The following ANKS1B variants were observed in gnomAD, a reference collection of about 807,000 sequenced individuals.
ANKS1B encodes ankyrin repeat and sterile alpha motif domain containing 1B, also known as ankyrin repeat and sterile alpha motif domain-containing protein 1B.
Under a neutral mutation model 148.3 loss-of-function variants are expected in ANKS1B, and 36 were observed. The observed-to-expected ratio is 0.24, with a 90% CI of 0.19 to 0.32. ANKS1B has a LOEUF of 0.32. ANKS1B is among the 10% of genes least tolerant of loss of function. ANKS1B has a pLI of 1.00. For missense variants in ANKS1B, 1,157 were observed against 1,542.6 expected (o/e 0.75, Z 4.19); for synonymous variants, 542 against 560.8 (o/e 0.97, Z 0.47).
rs12300419 is a variant in ANKS1B at position 99,685,714 on chromosome 12, C to T, written c.1129-30504G>A. Among the ~76,000 whole-genome samples the T allele has an allele frequency of 9.7e-3, 1,472 of 151,356 alleles. 28 individuals carry two copies. The highest frequency in any genetic ancestry group is 0.033 in the African/African-American group (1,375 of 41,228). ...TCAATCAACAAGTGGATAAAGAAAA[C>T]GTGGGGTGTGTTTATGTGTGTGTGT... On this transcript the variant is annotated intron_variant, in intron 8 of 26. Transcript: ENST00000683438.
chr12:99,170,592 C>T (rs912077208), intron 14 of ANKS1B, among the ~76,000 whole-genome samples: 15 of 152,150 alleles, frequency 9.9e-5, no homozygotes, highest in Admixed American at 9.8e-4. Flanking sequence ...TTCATTCAGT[C>T]CCTCGACCAA....
intron 12 of ANKS1B, among the ~76,000 whole-genome samples, chr12:99,297,873 T>C (rs931982322): frequency 6.6e-6 from 1 of 152,172 alleles, no homozygotes; most frequent in African/African-American, 2.4e-5. Flanking sequence ...AATCTCCAGA[T>C]TTTTAACCAA....
intron 1 of ANKS1B, among the ~76,000 whole-genome samples, chr12:99,917,412 G>A (rs1383341408): frequency 6.6e-6 from 1 of 152,148 alleles, no homozygotes; most frequent in African/African-American, 2.4e-5. Context: ...GCTATGCATG[G>A]GCATAAAAGC....
chr12:99,510,459 G>T (rs745952896), intron 9 of ANKS1B, among the ~76,000 whole-genome samples: 2 of 151,958 alleles, frequency 1.3e-5, no homozygotes, highest in Non-Finnish European at 2.9e-5. Flanking sequence ...ACTTTGATAG[G>T]TTTGACTTTG....
At chr12:99,885,568 G>A (rs890822261) in intron 1 of ANKS1B, among the ~76,000 whole-genome samples, 3 of 152,110 alleles carry the variant, frequency 2.0e-5, no homozygotes, top group Non-Finnish European at 2.9e-5. Context: ...CTCCCAAAGT[G>A]CTGGGATTAC....
At chr12:99,164,003 C>T (rs1580641) in intron 14 of ANKS1B, among the ~76,000 whole-genome samples, 43,829 of 151,988 alleles carry the variant, frequency 0.29, 7,728 homozygotes, top group East Asian at 0.5. Context: ...TATTTCCTTG[C>T]GGTTTTAATT....
intron 12 of ANKS1B, among the ~76,000 whole-genome samples, chr12:99,346,557 G>A (rs546885897): frequency 1.3e-5 from 2 of 152,034 alleles, no homozygotes; most frequent in African/African-American, 4.8e-5. Context: ...AGGCATCAGC[G>A]AGAATGTCAG....
At chr12:99,640,593 A>G (rs1769812448) in intron 9 of ANKS1B, among the ~76,000 whole-genome samples, 1 of 152,132 alleles carries the variant, frequency 6.6e-6, no homozygotes, top group South Asian at 2.1e-4. Context: ...AGATGCCAGC[A>G]CCCTGATATT....
intron 1 of ANKS1B, among the ~76,000 whole-genome samples, chr12:99,939,825 T>A (rs2094875073): frequency 6.6e-6 from 1 of 152,190 alleles, no homozygotes; most frequent in Non-Finnish European, 1.5e-5. Context: ...AATTTTCTCC[T>A]TTGTAAAAGG....
chr12:99,638,846 C>T (rs111588860), intron 9 of ANKS1B, among the ~76,000 whole-genome samples: 1,753 of 152,276 alleles, frequency 0.012, 36 homozygotes, highest in African/African-American at 0.04. Flanking sequence ...CACAACTTGG[C>T]GCCCTGCATC....
intron 17 of ANKS1B, among the ~76,000 whole-genome samples, chr12:99,015,795 G>A (rs1246121371): frequency 6.6e-6 from 1 of 152,190 alleles, no homozygotes; most frequent in Non-Finnish European, 1.5e-5. Context: ...GAACCTGGGA[G>A]GTAGAGCTTG....
intron 1 of ANKS1B, among the ~76,000 whole-genome samples, chr12:99,892,578 G>A (rs112726453): frequency 1.1e-4 from 16 of 152,136 alleles, no homozygotes; most frequent in African/African-American, 3.6e-4. Context: ...ATCTTCAAAG[G>A]GTTTAGGAAT....
At chr12:99,746,506 A>C (rs2060607321) in intron 8 of ANKS1B, among the ~76,000 whole-genome samples, 1 of 152,136 alleles carries the variant, frequency 6.6e-6, no homozygotes, top group Non-Finnish European at 1.5e-5. Flanking sequence ...GTTATGTTAC[A>C]TTACCCTGAA....
chr12:98,902,248 T>C (rs2099773125), intron 17 of ANKS1B, among the ~76,000 whole-genome samples: 1 of 152,246 alleles, frequency 6.6e-6, no homozygotes, highest in Non-Finnish European at 1.5e-5. Flanking sequence ...GCTAAGATTT[T>C]TGCTTGCAGC....
At chr12:99,454,809 C>T (rs1210489770) in intron 10 of ANKS1B, among the ~76,000 whole-genome samples, 2 of 152,226 alleles carry the variant, frequency 1.3e-5, no homozygotes, top group East Asian at 3.9e-4. Context: ...ATGACAATTC[C>T]CTGGCCTTGG....
intron 17 of ANKS1B, among the ~76,000 whole-genome samples, chr12:98,884,903 C>G (rs4312109): frequency 0.14 from 20,868 of 151,924 alleles, 1,751 homozygotes; most frequent in East Asian, 0.37. Context: ...ACTAGTAGAC[C>G]CAATGATCTG....
intron 8 of ANKS1B, among the ~76,000 whole-genome samples, chr12:99,726,870 C>A (rs148160997): frequency 5.9e-5 from 9 of 152,254 alleles, no homozygotes; most frequent in African/African-American, 2.2e-4. Flanking sequence ...ATCACACAGA[C>A]AGAACCAATG....
chr12:99,180,076 C>A (rs1454776385), intron 14 of ANKS1B, among the ~76,000 whole-genome samples: 2 of 152,214 alleles, frequency 1.3e-5, no homozygotes, highest in East Asian at 3.9e-4. Flanking sequence ...ATCCTTTCTA[C>A]CTATAATAAT....
chr12:99,174,897 G>A (rs948343783), intron 14 of ANKS1B, among the ~76,000 whole-genome samples: 3 of 151,946 alleles, frequency 2.0e-5, no homozygotes, highest in South Asian at 4.1e-4. Flanking sequence ...CTTTTGTCTT[G>A]CAAATAATAT....
Sources: gnomAD v4.1 joint callset for allele counts (sites outside exome capture counted in the v4.1 genomes callset) on GRCh38, gnomAD v4.1.1 for gene constraint, MANE v1.5 for transcripts, NCBI Gene and HGNC (gene_info 2026-07-23, HGNC 2026-07-21) for gene names.